Variants in KCTD7 observed in about 807,000 individuals in gnomAD.
KCTD7 encodes the protein potassium channel tetramerization domain containing 7, also known as BTB/POZ domain-containing protein KCTD7.
In KCTD7, 15 loss-of-function variants were observed where a neutral mutation model predicts 27.0. The observed-to-expected ratio is 0.56, with a 90% CI of 0.37 to 0.86. KCTD7 has a LOEUF of 0.86. KCTD7 is among the 40% of genes least tolerant of loss of function. The pLI is 0.00. For synonymous variants in KCTD7, 159 were observed against 162.7 expected (o/e 0.98, Z 0.17); for missense variants, 299 against 398.9 (o/e 0.75, Z 2.13).
Position 66,641,505 on chromosome 7 carries a change from A to C in KCTD7, c.*2273A>C. The C allele has an allele frequency of 1.0e-6, 1 of 985,436 alleles. No homozygotes were observed. The highest frequency in any genetic ancestry group is 1.2e-6 in the Non-Finnish European group (1 of 829,928). The allele number at this position is 985,436 out of a possible 1,614,324, so 61.0% of individuals were successfully genotyped here. On this transcript the variant is annotated 3_prime_UTR_variant, in exon 4 of 4. Coordinates refer to ENST00000639828, the MANE Select transcript of KCTD7 (RefSeq NM_153033.5). ...CTCAAATGCAAGTTTGCTCAAAAAC[A>C]GGTCCTGAAGGCTTGCTTAGGATTA...
chr7:66,636,953 A>G (rs1218810793), intron 2 of KCTD7, among the ~76,000 whole-genome samples: 1 of 152,204 alleles, frequency 6.6e-6, no homozygotes, highest in East Asian at 1.9e-4. Context: ...GGGAACACCT[A>G]GAACTCTTCT....
At chr7:66,638,072 T>C (rs1302282602) in intron 2 of KCTD7, among the ~76,000 whole-genome samples, 181 bp from the exon 3 acceptor site, 1 of 152,228 alleles carries the variant, frequency 6.6e-6, no homozygotes, top group Non-Finnish European at 1.5e-5. Context: ...TAACACATTA[T>C]GAGGTTTTAT....
chr7:66,633,237 C>T (rs1786494720), intron 1 of KCTD7, 38 bp from the exon 2 acceptor site: 1 of 1,609,338 alleles, frequency 6.2e-7, no homozygotes. Flanking sequence ...CTCTCATTCC[C>T]CGTTGCCTGC....
Position 66,639,403 on chromosome 7 carries a change from T to C in KCTD7, c.*171T>C. ...GAGGTGTAGCTCCAATCTCCCTGACTGCACCTCAGGGTTGGGCTCAGGGCT... is the reference window on the plus strand; with the variant it reads ...GAGGTGTAGCTCCAATCTCCCTGACCGCACCTCAGGGTTGGGCTCAGGGCT... On this transcript the variant is annotated 3_prime_UTR_variant, in exon 4 of 4. Transcript: ENST00000639828. 2.0e-6 allele frequency: 3 copies of C among 1,505,380 alleles called. No individual in the cohort carries two copies. Among genetic ancestry groups the C allele is most frequent in the Non-Finnish European group, 2.7e-6 (3 of 1,129,808 alleles). 93.3% of individuals were successfully genotyped at this position (1,505,380 alleles called of 1,614,324 possible). A position where few individuals can be genotyped will look rare whatever the true frequency, so the allele number is the denominator to read the frequency against.
intron 2 of KCTD7, among the ~76,000 whole-genome samples, chr7:66,635,483 A>G (rs1314821251): frequency 6.6e-6 from 1 of 151,938 alleles, no homozygotes; most frequent in African/African-American, 2.4e-5. Context: ...AGGATTATAT[A>G]AAGAGCCTTG....
At chr7:66,633,156 T>A in intron 1 of KCTD7, 119 bp from the exon 2 acceptor site, 1 of 982,990 alleles carries the variant, frequency 1.0e-6, no homozygotes, top group South Asian at 1.4e-5. Flanking sequence ...GATGGACCCG[T>A]GGGCTTGAGT....
Position 66,639,789 on chromosome 7 carries a change from A to T in KCTD7, c.*557A>T, listed in dbSNP as rs560766108. ...CAAGAATAGTTGCCCACATTCCCAA[A>T]ATGTGGAAAGACTTTTCTTTTCCTT... On this transcript the variant is annotated 3_prime_UTR_variant, in exon 4 of 4. Coordinates refer to ENST00000639828, the MANE Select transcript of KCTD7 (RefSeq NM_153033.5). 3.1e-3 allele frequency: 3,850 copies of T among 1,249,400 alleles called. 8 individuals carry two copies. The highest frequency in any genetic ancestry group is 3.6e-3 in the Non-Finnish European group (3,638 of 998,186). The allele number at this position is 1,249,400 out of a possible 1,614,324, so 77.4% of individuals were successfully genotyped here.
chr7:66,633,249 T>TGAG (rs1188598903), intron 1 of KCTD7, 26 bp from the exon 2 acceptor site: 2 of 1,613,012 alleles, frequency 1.2e-6, no homozygotes, highest in Non-Finnish European at 8.5e-7. Flanking sequence ...GTTGCCTGCC[T>TGAG]GAGAGCCCTG....
intron 2 of KCTD7, among the ~76,000 whole-genome samples, chr7:66,637,904 G>C (rs1414434149): frequency 1.3e-5 from 2 of 151,780 alleles, no homozygotes; most frequent in African/African-American, 2.4e-5. Context: ...ATATATAAAG[G>C]GCTAGGTGTC....
At chr7:66,629,232 C>T in intron 1 of KCTD7, 24 bp downstream of exon 1, 9 of 959,448 alleles carry the variant, frequency 9.4e-6, no homozygotes, top group East Asian at 9.5e-5. Flanking sequence ...CGGCGGGCCG[C>T]GGGGCGTGGG....
At chr7:66,629,235 G>A in intron 1 of KCTD7, 27 bp downstream of exon 1, 1 of 1,311,304 alleles carries the variant, frequency 7.6e-7, no homozygotes, top group Non-Finnish European at 9.7e-7. Context: ...CGGGCCGCGG[G>A]GCGTGGGGAG....
chr7:66,642,380 C>T lies in KCTD7; in HGVS notation c.*3148C>T, dbSNP rs942950804. 2.0e-6 allele frequency: 2 copies of T among 985,294 alleles called. No homozygotes were observed. Among genetic ancestry groups the T allele is most frequent in the Non-Finnish European group, 2.4e-6 (2 of 829,944 alleles). 61.0% of individuals were successfully genotyped at this position (985,294 alleles called of 1,614,324 possible). A position where few individuals can be genotyped will look rare whatever the true frequency, so the allele number is the denominator to read the frequency against. ...AGGATATTCTGGGAGCTGTCTGAGC[C>T]TTGTGCCTAAGGCTTATCAGGTGAT... On this transcript the variant is annotated 3_prime_UTR_variant, in exon 4 of 4. Coordinates refer to ENST00000639828, the MANE Select transcript of KCTD7 (RefSeq NM_153033.5).
chr7:66,630,261 C>G (rs80101541), intron 1 of KCTD7, among the ~76,000 whole-genome samples: 1 of 151,932 alleles, frequency 6.6e-6, no homozygotes, highest in South Asian at 2.1e-4. Flanking sequence ...AGAGTAAGAC[C>G]GTACCTACAA....
intron 1 of KCTD7, among the ~76,000 whole-genome samples, chr7:66,631,109 CT>C (rs1175225016): frequency 6.6e-6 from 1 of 152,148 alleles, no homozygotes; most frequent in Admixed American, 6.6e-5. Context: ...GTGTAACTAC[CT>C]GTCTATTTCT....
rs1034352526 is a variant in KCTD7 at position 66,642,239 on chromosome 7, G to A, written c.*3007G>A. The A allele has an allele frequency of 2.0e-6, 2 of 985,320 alleles. No individual in the cohort carries two copies. Among genetic ancestry groups the A allele is most frequent in the Non-Finnish European group, 2.4e-6 (2 of 829,926 alleles). 61.0% of individuals were successfully genotyped at this position (985,320 alleles called of 1,614,324 possible). A position where few individuals can be genotyped will look rare whatever the true frequency, so the allele number is the denominator to read the frequency against. On this transcript the variant is annotated 3_prime_UTR_variant, in exon 4 of 4. Coordinates refer to ENST00000639828, the MANE Select transcript of KCTD7 (RefSeq NM_153033.5). ...AGCGTAACACTCTAAATAAATGGAA[G>A]GAATCATCACCTTCCTTATTTTACC...
intron 2 of KCTD7, among the ~76,000 whole-genome samples, chr7:66,637,726 C>T (rs62469072): frequency 0.037 from 5,674 of 151,966 alleles, 165 homozygotes; most frequent in East Asian, 0.088. Context: ...TGGTTGCTTC[C>T]GTAGGGATTA....
chr7:66,640,612 T>C lies in KCTD7; in HGVS notation c.*1380T>C. On this transcript the variant is annotated 3_prime_UTR_variant, in exon 4 of 4. Transcript: ENST00000639828. ...CCTGGGTAAAGGGAGATTTTTTTTT[T>C]TAATGTGTAAAGAATTGATGCGAGC... 7.2e-7 allele frequency: 1 copy of C among 1,392,350 alleles called. No homozygotes were observed. The highest frequency in any genetic ancestry group is 1.7e-5 in the South Asian group (1 of 57,732). The allele number at this position is 1,392,350 out of a possible 1,614,324, so 86.2% of individuals were successfully genotyped here.
At chr7:66,634,557 C>T (rs1430702682) in intron 2 of KCTD7, among the ~76,000 whole-genome samples, 1 of 151,984 alleles carries the variant, frequency 6.6e-6, no homozygotes, top group African/African-American at 2.4e-5. Context: ...AATATGAGAC[C>T]AGGAAGTTGT....
chr7:66,634,849 G>C (rs1439988517), intron 2 of KCTD7, among the ~76,000 whole-genome samples: 1 of 151,838 alleles, frequency 6.6e-6, no homozygotes, highest in East Asian at 1.9e-4. Context: ...AAAACACAAT[G>C]TCAACAACAG....
Sources: allele counts gnomAD v4.1 joint callset (sites outside exome capture counted in the v4.1 genomes callset), GRCh38; gene constraint gnomAD v4.1.1; transcripts MANE v1.5; gene names NCBI Gene and HGNC (gene_info 2026-07-23, HGNC 2026-07-21).